The following KIAA1328 variants were observed in gnomAD, a reference collection of about 807,000 sequenced individuals.
The protein encoded by KIAA1328 is KIAA1328, also known as protein hinderin.
In KIAA1328, 52 loss-of-function variants were observed where a neutral mutation model predicts 68.1. The ratio of observed to expected loss-of-function variants is 0.76; its 90% confidence interval spans 0.61 to 0.96. The LOEUF is 0.96. Ranked by LOEUF, KIAA1328 falls within the 40% of genes least tolerant of loss-of-function variation. The pLI is 0.00. For missense variants in KIAA1328, 641 were observed against 677.6 expected (o/e 0.95, Z 0.60); for synonymous variants, 232 against 239.4 (o/e 0.97, Z 0.28).
chr18:37,143,877 C>T (rs1336693707), intron 7 of KIAA1328, among the ~76,000 whole-genome samples: 2 of 152,096 alleles, frequency 1.3e-5, no homozygotes, highest in Admixed American at 1.3e-4. Context: ...AAAATACTAA[C>T]TTGGCCGTGA....
rs534082046 is a variant in KIAA1328, at chr18:37,104,332, G to C, written c.1232+36787G>C. ...ATTTATACACAAATACCATTAAGCT[G>C]TAAAAATGAATGAAAATGAGTCATT... On this transcript the variant is annotated intron_variant, in intron 7 of 9. Transcript: ENST00000280020. 4.5e-4 allele frequency among the ~76,000 whole-genome samples: 68 copies of C among 152,270 alleles called. 1 individual carries two copies. The South Asian group carries it at 0.014, about 31-fold the overall frequency.
At chr18:37,035,341 C>A (rs1305443814) in intron 6 of KIAA1328, among the ~76,000 whole-genome samples, 2 of 152,198 alleles carry the variant, frequency 1.3e-5, no homozygotes, top group African/African-American at 4.8e-5. Flanking sequence ...TACTCCATAC[C>A]TACTAAATTA....
chr18:36,902,685 T>G (rs2049083128), intron 5 of KIAA1328, among the ~76,000 whole-genome samples: 2 of 152,218 alleles, frequency 1.3e-5, no homozygotes, highest in South Asian at 4.1e-4. Flanking sequence ...TGCTTGGTTA[T>G]ATTTATTTCC....
intron 8 of KIAA1328, among the ~76,000 whole-genome samples, chr18:37,167,502 C>T (rs1018673359): frequency 6.6e-6 from 1 of 152,058 alleles, no homozygotes; most frequent in African/African-American, 2.4e-5. Context: ...AGTTGGGCTG[C>T]TTAGTGGCTG....
chr18:36,956,793 C>T (rs1026463984), intron 5 of KIAA1328, among the ~76,000 whole-genome samples: 1 of 152,070 alleles, frequency 6.6e-6, no homozygotes, highest in Admixed American at 6.6e-5. Flanking sequence ...GTGGTAACAG[C>T]GAGAATAAAA....
At position 37,074,281 on chromosome 18, in the gene KIAA1328, G is replaced by A. The variant is rs568000220; in HGVS notation, c.1232+6736G>A. Among the ~76,000 whole-genome samples the A allele has an allele frequency of 9.9e-5, 15 of 152,242 alleles. 1 individual carries two copies. In the South Asian group the frequency reaches 2.5e-3, roughly 25 times the overall value. ...GGTTTCTAAGGCAAAAACAAAGCCCGGGAAACTCACCACATTGTTGTTTTT... is the reference window on the plus strand; with the variant it reads ...GGTTTCTAAGGCAAAAACAAAGCCCAGGAAACTCACCACATTGTTGTTTTT... On this transcript the variant is annotated intron_variant, in intron 7 of 9. Transcript: ENST00000280020.
chr18:37,154,075 C>T (rs1311962234), intron 7 of KIAA1328, among the ~76,000 whole-genome samples: 1 of 152,082 alleles, frequency 6.6e-6, no homozygotes, highest in Non-Finnish European at 1.5e-5. Flanking sequence ...CTGCCTTTTT[C>T]TAAAAGACTG....
chr18:36,990,654 G>C (rs2053138088), intron 6 of KIAA1328, among the ~76,000 whole-genome samples: 1 of 151,818 alleles, frequency 6.6e-6, no homozygotes. Context: ...CTGGGCAACA[G>C]AGCAAGACTC....
At chr18:36,907,725 C>T (rs1216872489) in intron 5 of KIAA1328, among the ~76,000 whole-genome samples, 1 of 152,112 alleles carries the variant, frequency 6.6e-6, no homozygotes, top group Non-Finnish European at 1.5e-5. Flanking sequence ...GGAATGACTT[C>T]ATCTAGTTTT....
chr18:36,962,460 A>C (rs747417200), intron 6 of KIAA1328, among the ~76,000 whole-genome samples: 1 of 152,216 alleles, frequency 6.6e-6, no homozygotes, highest in Non-Finnish European at 1.5e-5. Flanking sequence ...TCAGCTCTGC[A>C]CCAGGCGGAC....
At chr18:36,908,305 A>C (rs997333874) in intron 5 of KIAA1328, among the ~76,000 whole-genome samples, 3 of 152,132 alleles carry the variant, frequency 2.0e-5, no homozygotes, top group African/African-American at 7.2e-5. Flanking sequence ...TATTTATTTT[A>C]GCAACTTACA....
chr18:37,123,537 G>A (rs549186068), intron 7 of KIAA1328, among the ~76,000 whole-genome samples: 3 of 152,254 alleles, frequency 2.0e-5, no homozygotes, highest in South Asian at 4.1e-4. Context: ...AATAAGATGT[G>A]CATAAGGATG....
chr18:37,004,702 C>T (rs562461167), intron 6 of KIAA1328, among the ~76,000 whole-genome samples: 55 of 152,134 alleles, frequency 3.6e-4, no homozygotes, highest in African/African-American at 1.1e-3. Flanking sequence ...AATTCCTTAA[C>T]GAACTAAAAG....
intron 7 of KIAA1328, among the ~76,000 whole-genome samples, chr18:37,110,513 C>A (rs1272962401): frequency 6.6e-6 from 1 of 152,132 alleles, no homozygotes; most frequent in Admixed American, 6.6e-5. Context: ...ATTTTTGATG[C>A]CATAAAAGGT....
intron 9 of KIAA1328, among the ~76,000 whole-genome samples, chr18:37,213,845 G>A (rs1027020566): frequency 2.0e-5 from 3 of 152,092 alleles, no homozygotes; most frequent in African/African-American, 7.2e-5. Context: ...ACCATTCTAA[G>A]TGGTGTGAGA....
At chr18:37,003,441 G>T (rs1364397642) in intron 6 of KIAA1328, among the ~76,000 whole-genome samples, 2 of 152,044 alleles carry the variant, frequency 1.3e-5, no homozygotes, top group Non-Finnish European at 1.5e-5. Flanking sequence ...TGTTCACCTG[G>T]CAGGGGACTC....
At chr18:36,864,451 G>GCCA (rs1486869643) in intron 4 of KIAA1328, among the ~76,000 whole-genome samples, 3 of 151,854 alleles carry the variant, frequency 2.0e-5, no homozygotes, top group Admixed American at 2.0e-4. Flanking sequence ...ACAGGCGCCT[G>GCCA]CCACCACGCC....
In KIAA1328 at chr18:37,020,663, A is replaced by C. The variant is rs561432793; in HGVS notation, c.577-46227A>C. 5.9e-5 allele frequency among the ~76,000 whole-genome samples: 9 copies of C among 152,310 alleles called. No individual in the cohort carries two copies. The East Asian group carries it at 1.5e-3, about 26-fold the overall frequency. ...AGAATCAGTGGCAAATATGTAATAG[A>C]ATTTAATCCTGTCTCTTGGCTGTGA... On this transcript the variant is annotated intron_variant, in intron 6 of 9. Transcript: ENST00000280020.
intron 6 of KIAA1328, among the ~76,000 whole-genome samples, chr18:36,989,503 T>A (rs925548813): frequency 1.2e-4 from 19 of 152,116 alleles, no homozygotes; most frequent in Non-Finnish European, 4.4e-5. Flanking sequence ...TCTAATTTTT[T>A]AAAAAAATTC....
Sources: allele counts gnomAD v4.1 joint callset (sites outside exome capture counted in the v4.1 genomes callset), GRCh38; gene constraint gnomAD v4.1.1; transcripts MANE v1.5; gene names NCBI Gene and HGNC (gene_info 2026-07-23, HGNC 2026-07-21).